CEP97: variants seen among roughly 807,000 people sequenced by gnomAD.
CEP97 encodes centrosomal protein of 97 kDa.
CEP97 carries 43 observed loss-of-function variants against 73.1 expected under a neutral mutation model. The ratio of observed to expected loss-of-function variants is 0.59; its 90% CI spans 0.46 to 0.76. The LOEUF is 0.76. Among genes scored for constraint, CEP97 ranks in the 30% least tolerant of loss-of-function variants. CEP97 has a pLI of 0.00. For synonymous variants in CEP97, 337 were observed against 370.0 expected (o/e 0.91, Z 1.02); for missense variants, 939 against 1,014.0 (o/e 0.93, Z 1.00).
intron 2 of CEP97, 83 bp downstream of exon 2, chr3:101,726,819 CTG>C (rs1560006592): frequency 2.0e-6 from 2 of 1,009,970 alleles, no homozygotes; most frequent in East Asian, 2.6e-5. Context: ...CAAAAAGTAA[CTG>C]TGCAGCCCTA....
chr3:101,733,391 A>G (rs74524598), intron 6 of CEP97, among the ~76,000 whole-genome samples: 9,751 of 152,214 alleles, frequency 0.064, 329 homozygotes, highest in Middle Eastern at 0.12. Context: ...TCCAAATGCC[A>G]TGTAAGGGCA....
chr3:101,743,697 G>A (rs1938526389), intron 6 of CEP97, among the ~76,000 whole-genome samples: 1 of 152,050 alleles, frequency 6.6e-6, no homozygotes, highest in Non-Finnish European at 1.5e-5. Flanking sequence ...CACCCAGCTA[G>A]AATAACCAGA....
chr3:101,747,893 C>T, intron 6 of CEP97, among the ~76,000 whole-genome samples: 1 of 151,416 alleles, frequency 6.6e-6, no homozygotes, highest in East Asian at 1.9e-4. Context: ...AAGGTCAACA[C>T]AGGAGGATCA....
chr3:101,741,111 A>G (rs533765374), intron 6 of CEP97, among the ~76,000 whole-genome samples: 43 of 152,354 alleles, frequency 2.8e-4, no homozygotes, highest in African/African-American at 9.9e-4. Flanking sequence ...CGCCTCAGAA[A>G]TAACACCACA....
rs879781929 is a variant in CEP97 at position 101,729,777 on chromosome 3, C to CT, written c.447+852dup. 4.2e-3 allele frequency among the ~76,000 whole-genome samples: 605 copies of CT among 142,918 alleles called. 2 individuals carry two copies. The highest frequency in any genetic ancestry group is 7.1e-3 in the Middle Eastern group (2 of 282). 93.8% of individuals were successfully genotyped at this position (142,918 alleles called of 152,430 possible). On this transcript the variant is annotated intron_variant, in intron 4 of 10. Coordinates refer to ENST00000341893, the MANE Select transcript of CEP97 (RefSeq NM_024548.4). ...TGTAGAGATGAGATCTTTTTCTTTT[C>CT]TTTTTTTTTTTTAGATAGAGTTCTG...
At chr3:101,745,204 G>T (rs1367944381) in intron 6 of CEP97, among the ~76,000 whole-genome samples, 2 of 152,180 alleles carry the variant, frequency 1.3e-5, no homozygotes, top group Non-Finnish European at 2.9e-5. Flanking sequence ...CAGAACCTTG[G>T]AGAAAGTTAA....
intron 6 of CEP97, among the ~76,000 whole-genome samples, chr3:101,752,703 G>C (rs991899306): frequency 4.6e-5 from 7 of 152,104 alleles, no homozygotes; most frequent in African/African-American, 1.7e-4. Flanking sequence ...TGAGTCTTCT[G>C]CATTCTTCAC....
Position 101,758,394 on chromosome 3 carries a change from C to A in CEP97, c.1788C>A (p.His596Gln). ...TCCGGCTACGCAGAATGCAAGAGCA[C>A]ATTGTCTGCTTAACTGATGAAATAA... The part of the protein sequence containing the change: ...YEIRLRRMQE[H>Q]IVCLTDEIRR... The change falls in exon 9 of 11, where the codon CAC becomes CAA. Residue 596 changes from histidine (H) to glutamine (Q), a missense_variant. Physicochemically the swap from His to Gln is conservative, Grantham distance 24. Transcript: ENST00000341893. 6.2e-7 allele frequency: 1 copy of A among 1,614,142 alleles called. No individual in the cohort carries two copies. Among genetic ancestry groups the A allele is most frequent in the Non-Finnish European group, 8.5e-7 (1 of 1,180,032 alleles).
chr3:101,758,185 G>T lies in CEP97; in HGVS notation c.1579G>T (p.Glu527Ter). Residue 527 changes from glutamate to a stop codon, truncating the protein, a stop_gained, in exon 9 of 11, where the codon GAA becomes TAA. Transcript: ENST00000341893. LOFTEE classifies it high-confidence loss of function. ...KPENTQPENK[E>*]TISQATSEKL... ...AGAAAATACACAACCAGAAAATAAA[G>T]AAACCATATCTCAAGCAACTTCAGA... 1 of 1,613,348 alleles carries T rather than the reference G, an allele frequency of 6.2e-7. No homozygotes were observed. The highest frequency in any genetic ancestry group is 8.5e-7 in the Non-Finnish European group (1 of 1,179,864).
rs753068491 is a variant in CEP97 at position 101,731,888 on chromosome 3, G to C, written c.496G>C (p.Ala166Pro). The C allele has an allele frequency of 6.8e-6, 11 of 1,612,200 alleles. No individual in the cohort carries two copies. Among genetic ancestry groups the C allele is most frequent in the Non-Finnish European group, 9.3e-6 (11 of 1,178,360 alleles). The part of the protein sequence containing the change: ...NIITSLRMAP[A>P]YLPRSLAILS... Reference sequence around the variant, plus strand: ...CATCACCTCTCTTAGAATGGCACCTGCTTACCTACCCAGAAGTCTTGCTAT... The same window carrying C: ...CATCACCTCTCTTAGAATGGCACCTCCTTACCTACCCAGAAGTCTTGCTAT... Residue 166 changes from alanine to proline, a missense_variant, in exon 5 of 11, where the codon GCT becomes CCT. Ala to Pro is a conservative substitution (Grantham distance 27). Coordinates refer to ENST00000341893, the MANE Select transcript of CEP97 (RefSeq NM_024548.4).
Position 101,767,500 on chromosome 3 carries a change from G to C in CEP97, c.*1949G>C, listed in dbSNP as rs1939348299. On this transcript the variant is annotated 3_prime_UTR_variant, in exon 11 of 11. Coordinates refer to ENST00000341893, the MANE Select transcript of CEP97 (RefSeq NM_024548.4). The stretch of plus-strand genomic sequence containing the variant: ...TACCAAAATACTACTTTATACATTA[G>C]TTTTTCATAAAAGCTGCTGGAATGT... The C allele has an allele frequency of 1.3e-5, 2 of 152,094 alleles. No individual in the cohort carries two copies. 9.4% of individuals were successfully genotyped at this position (152,094 alleles called of 1,614,324 possible).
intron 10 of CEP97, among the ~76,000 whole-genome samples, chr3:101,764,470 G>A (rs1049843388): frequency 3.3e-5 from 5 of 152,182 alleles, no homozygotes; most frequent in Non-Finnish European, 5.9e-5. Context: ...AATTAGCCAG[G>A]TGTGATGGTG....
At chr3:101,736,881 TAAC>T (rs1456349214) in intron 6 of CEP97, among the ~76,000 whole-genome samples, 2 of 152,048 alleles carry the variant, frequency 1.3e-5, no homozygotes, top group Non-Finnish European at 2.9e-5. Context: ...TTCAGAATAA[TAAC>T]AAACTCCGTT....
At chr3:101,729,940 G>C (rs1214850893) in intron 4 of CEP97, among the ~76,000 whole-genome samples, 2 of 151,964 alleles carry the variant, frequency 1.3e-5, no homozygotes, top group East Asian at 3.9e-4. Context: ...GCGTAGCTGG[G>C]ATTATAGGCG....
intron 6 of CEP97, among the ~76,000 whole-genome samples, chr3:101,741,212 A>G (rs992599749): frequency 1.3e-5 from 2 of 152,364 alleles, no homozygotes; most frequent in South Asian, 2.1e-4. Flanking sequence ...CTGGCTAGCC[A>G]TATGCAGAAA....
intron 8 of CEP97, 54 bp from the exon 9 acceptor site, chr3:101,757,580 T>G: frequency 1.3e-6 from 2 of 1,497,860 alleles, no homozygotes; most frequent in African/African-American, 2.8e-5. Flanking sequence ...TAAAGGGACA[T>G]AACTAAAATG....
chr3:101,737,348 C>A (rs372864187), intron 6 of CEP97, among the ~76,000 whole-genome samples: 1 of 152,136 alleles, frequency 6.6e-6, no homozygotes, highest in African/African-American at 2.4e-5. Context: ...GAGAACACCA[C>A]AAAGATACTC....
At chr3:101,739,616 C>T (rs1419369042) in intron 6 of CEP97, among the ~76,000 whole-genome samples, 1 of 152,050 alleles carries the variant, frequency 6.6e-6, no homozygotes, top group Admixed American at 6.6e-5. Flanking sequence ...CAATAAAATT[C>T]AACACCCCTG....
intron 6 of CEP97, among the ~76,000 whole-genome samples, chr3:101,744,923 G>A (rs1396211005): frequency 6.6e-6 from 1 of 152,212 alleles, no homozygotes; most frequent in Non-Finnish European, 1.5e-5. Context: ...ATTATGAAAT[G>A]TATCCTAGAT....
Sources: gnomAD v4.1 joint callset for allele counts (sites outside exome capture counted in the v4.1 genomes callset) on GRCh38, gnomAD v4.1.1 for gene constraint, MANE v1.5 for transcripts, NCBI Gene and HGNC (gene_info 2026-07-23, HGNC 2026-07-21) for gene names.